YARS1: variants seen among roughly 807,000 people sequenced by gnomAD.
The protein encoded by YARS1 is tyrosine--tRNA ligase, cytoplasmic.
In YARS1, 36 loss-of-function variants were observed where a neutral mutation model predicts 62.2. That is an observed-to-expected ratio of 0.58 (90% CI 0.44 to 0.76). The LOEUF (loss-of-function observed/expected upper bound fraction) is 0.76, where lower values mean the gene tolerates loss of function less well. Among genes scored for constraint, YARS1 ranks in the 30% least tolerant of loss-of-function variants. The pLI, the probability that YARS1 is intolerant of heterozygous loss-of-function variation, is 0.00. For synonymous variants in YARS1, 234 were observed against 244.9 expected (o/e 0.96, Z 0.42); for missense variants, 524 against 639.8 (o/e 0.82, Z 1.95).
Position 32,786,945 on chromosome 1 carries a change from T to C in YARS1, c.815A>G (p.Lys272Arg), listed in dbSNP as rs754513172. 5.6e-6 allele frequency: 9 copies of C among 1,614,074 alleles called. No homozygotes were observed. The highest frequency in any genetic ancestry group is 7.6e-6 in the Non-Finnish European group (9 of 1,180,004). Reference sequence around the variant, plus strand: ...AAGAAAACAGAGAGTGTTACCGGACTTAAGGGGAAAAAGGACATGCTTGAT... The same window carrying C: ...AAGAAAACAGAGAGTGTTACCGGACCTAAGGGGAAAAAGGACATGCTTGAT... ...SFIKHVLFPL[K>R]SEFVILRDEK... The change falls in exon 7 of 13, where the codon AAG becomes AGG. Residue 272 changes from lysine (K) to arginine (R), a missense_variant. By Grantham distance (26) the Lys-to-Arg change is conservative. Coordinates refer to ENST00000373477, the MANE Select transcript of YARS1 (RefSeq NM_003680.4).
chr1:32,813,092 CACCTAGA>C (rs1347942918), intron 1 of YARS1, among the ~76,000 whole-genome samples: 4 of 152,140 alleles, frequency 2.6e-5, no homozygotes, highest in South Asian at 2.1e-4. Context: ...TCTTTGAATC[CACCTAGA>C]ACCTAGAACC....
intron 1 of YARS1, among the ~76,000 whole-genome samples, chr1:32,814,079 C>T (rs1413417595): frequency 1.3e-5 from 2 of 152,204 alleles, no homozygotes; most frequent in Admixed American, 6.5e-5. Flanking sequence ...CTCCTGCTTA[C>T]GCCCATACAC....
rs1374994869 is a variant in YARS1, at chr1:32,802,978, A to ACT, written c.510+3503_510+3504insAG. 1.1e-3 allele frequency among the ~76,000 whole-genome samples: 99 copies of ACT among 89,410 alleles called. 3 individuals are homozygous for ACT. Among genetic ancestry groups the ACT allele is most frequent in the Non-Finnish European group, 1.3e-3 (59 of 44,330 alleles). 58.7% of individuals were successfully genotyped at this position (89,410 alleles called of 152,430 possible). A position where few individuals can be genotyped will look rare whatever the true frequency, so the allele number is the denominator to read the frequency against. ...CAGATGCGCGCCACAACGCCTGGCT[A>ACT]TTTTTTTTTTTTTTTTTTTTTTGAG... On this transcript the variant is annotated intron_variant, in intron 4 of 12. Transcript: ENST00000373477.
intron 5 of YARS1, among the ~76,000 whole-genome samples, chr1:32,797,409 T>A (rs1388048799): frequency 6.6e-6 from 1 of 152,048 alleles, no homozygotes; most frequent in Non-Finnish European, 1.5e-5. Context: ...TGCTGGGAAA[T>A]GCGAACCAAA....
At position 32,817,352 on chromosome 1, in the gene YARS1, A is replaced by C. The variant is rs1569797428; in HGVS notation, c.-108T>G. On this transcript the variant is annotated 5_prime_UTR_variant, in exon 1 of 13. An upstream start codon of the reference 5' UTR is lost. Transcript: ENST00000373477. ...TGTCACGCGAGTCCAGCCAGGTTGC[A>C]TCAGCTGGGCTCGGCGCTCCGCTTA... 1 of 1,441,214 alleles carries C rather than the reference A, an allele frequency of 6.9e-7. No individual in the cohort carries two copies. Among genetic ancestry groups the C allele is most frequent in the Non-Finnish European group, 9.6e-7 (1 of 1,036,404 alleles). 89.3% of individuals were successfully genotyped at this position (1,441,214 alleles called of 1,614,324 possible). A position where few individuals can be genotyped will look rare whatever the true frequency, so the allele number is the denominator to read the frequency against.
intron 4 of YARS1, among the ~76,000 whole-genome samples, chr1:32,804,448 C>G (rs1414245109): frequency 6.6e-6 from 1 of 151,826 alleles, no homozygotes; most frequent in South Asian, 2.1e-4. Flanking sequence ...GGGCGGCTGC[C>G]GGGCGGAGAC....
intron 8 of YARS1, chr1:32,782,864 A>T: frequency 2.8e-6 from 1 of 353,354 alleles, no homozygotes. Flanking sequence ...AAACATTCAC[A>T]TAGGTAACCC....
chr1:32,799,984 G>C (rs757215719), intron 4 of YARS1, among the ~76,000 whole-genome samples: 5 of 151,770 alleles, frequency 3.3e-5, no homozygotes, highest in Non-Finnish European at 7.4e-5. Context: ...GCATGTCTCC[G>C]GGTTTTCTTT....
chr1:32,801,600 T>C (rs1638295520), intron 4 of YARS1, among the ~76,000 whole-genome samples: 1 of 152,100 alleles, frequency 6.6e-6, no homozygotes, highest in Non-Finnish European at 1.5e-5. Context: ...AACAATGAAG[T>C]TTGCCACATC....
intron 10 of YARS1, chr1:32,780,784 A>G (rs1653026755): frequency 1.9e-6 from 1 of 523,060 alleles, no homozygotes; most frequent in Admixed American, 3.0e-5. Context: ...AGGTGAGTCT[A>G]TCAGACCAGA....
At chr1:32,816,786 T>C in intron 1 of YARS1, 1 of 233,656 alleles carries the variant, frequency 4.3e-6, no homozygotes, top group Admixed American at 5.0e-5. Flanking sequence ...CCTTTAAAGC[T>C]CCCAGTATAG....
intron 4 of YARS1, 87 bp downstream of exon 4, chr1:32,806,395 G>A: frequency 6.2e-7 from 1 of 1,601,964 alleles, no homozygotes; most frequent in South Asian, 1.1e-5. Context: ...TATCTGCGTA[G>A]TGCAGTAAAG....
At chr1:32,807,364 A>G (rs1234658731) in intron 3 of YARS1, among the ~76,000 whole-genome samples, 2 of 152,226 alleles carry the variant, frequency 1.3e-5, no homozygotes, top group East Asian at 1.9e-4. Flanking sequence ...GTCCAGTTAC[A>G]TTAGGACATT....
At chr1:32,813,404 C>T (rs188517143) in intron 1 of YARS1, among the ~76,000 whole-genome samples, 10 of 152,312 alleles carry the variant, frequency 6.6e-5, no homozygotes, top group African/African-American at 9.6e-5. Flanking sequence ...CTGCAACCTC[C>T]GCCTCCAGGG....
chr1:32,784,501 T>C (rs1286502598), intron 8 of YARS1, among the ~76,000 whole-genome samples: 1 of 152,080 alleles, frequency 6.6e-6, no homozygotes, highest in East Asian at 1.9e-4. Flanking sequence ...CCACCTGGAA[T>C]TCCTCATACA....
intron 5 of YARS1, among the ~76,000 whole-genome samples, chr1:32,794,308 C>T (rs182448666): frequency 3.9e-5 from 6 of 152,230 alleles, no homozygotes; most frequent in Non-Finnish European, 7.4e-5. Context: ...CGAGATCATG[C>T]CGCTGCCCTT....
intron 6 of YARS1, 31 bp from the exon 7 acceptor site, chr1:32,787,106 TG>T: frequency 1.2e-6 from 2 of 1,613,698 alleles, no homozygotes; most frequent in Non-Finnish European, 1.7e-6. Flanking sequence ...GAGGACCTCT[TG>T]TGGTTGAAAA....
At chr1:32,781,000 A>T in intron 10 of YARS1, 48 bp downstream of exon 10, 1 of 1,578,536 alleles carries the variant, frequency 6.3e-7, no homozygotes, top group South Asian at 1.1e-5. Flanking sequence ...GGAAACAGAC[A>T]AACCTGACCC....
intron 5 of YARS1, among the ~76,000 whole-genome samples, chr1:32,795,453 A>G (rs1653551792): frequency 6.6e-6 from 1 of 152,198 alleles, no homozygotes; most frequent in Non-Finnish European, 1.5e-5. Flanking sequence ...AATTGCAAGG[A>G]TATGTGTTGT....
Sources: gnomAD v4.1 joint callset for allele counts (sites outside exome capture counted in the v4.1 genomes callset) on GRCh38, gnomAD v4.1.1 for gene constraint, MANE v1.5 for transcripts, NCBI Gene and HGNC (gene_info 2026-07-23, HGNC 2026-07-21) for gene names.